CPNE8: variants seen among roughly 807,000 people sequenced by gnomAD.
CPNE8 encodes the protein copine-8.
Under a neutral mutation model 81.5 loss-of-function variants are expected in CPNE8, and 45 were observed. That is an observed-to-expected ratio of 0.55 (90% confidence interval 0.44 to 0.71). The LOEUF (loss-of-function observed/expected upper bound fraction) is 0.71. CPNE8 is among the 30% of genes least tolerant of loss of function. The pLI is 0.00. For synonymous variants in CPNE8, 252 were observed against 226.3 expected (o/e 1.11, Z -1.02); for missense variants, 594 against 672.1 (o/e 0.88, Z 1.28).
At position 38,806,306 on chromosome 12, in the gene CPNE8, T is replaced by G. The variant is rs368580641; in HGVS notation, c.407+23073A>C. ...CCAGGCAGAGACACACCAAAAAAGA[T>G]AATTTTAGACCAATATCCTTGATGA... On this transcript the variant is annotated intron_variant, in intron 6 of 19. Coordinates refer to ENST00000331366, the MANE Select transcript of CPNE8 (RefSeq NM_153634.3). Among the ~76,000 whole-genome samples the G allele has an allele frequency of 1.2e-3, 183 of 149,950 alleles. 4 individuals are homozygous for G. The highest frequency in any genetic ancestry group is 3.6e-3 in the African/African-American group (150 of 41,348).
chr12:38,812,747 T>C (rs1291172533), intron 6 of CPNE8, among the ~76,000 whole-genome samples: 1 of 152,196 alleles, frequency 6.6e-6, no homozygotes, highest in Admixed American at 6.5e-5. Flanking sequence ...TTTATGGAAG[T>C]GGCTTCTCAC....
chr12:38,653,580 T>C lies in CPNE8; in HGVS notation c.*302A>G, dbSNP rs951357508. 4.2e-6 allele frequency: 1 copy of C among 238,458 alleles called. No homozygotes were observed. The highest frequency in any genetic ancestry group is 2.3e-5 in the African/African-American group (1 of 43,024). The allele number at this position is 238,458 out of a possible 1,614,324, so 14.8% of individuals were successfully genotyped here. ...TTGAGTTAAAAACACAGTTTGTGCT[T>C]TTTCCCAACAATACATTGGAAATTA... On this transcript the variant is annotated 3_prime_UTR_variant, in exon 20 of 20. Transcript: ENST00000331366.
intron 6 of CPNE8, among the ~76,000 whole-genome samples, chr12:38,783,294 C>A (rs1391492692): frequency 6.6e-6 from 1 of 152,152 alleles, no homozygotes; most frequent in Admixed American, 6.5e-5. Context: ...ACACACAAAG[C>A]ATCTTCATAA....
intron 16 of CPNE8, among the ~76,000 whole-genome samples, chr12:38,683,651 A>C (rs550407536): frequency 6.6e-6 from 1 of 152,270 alleles, no homozygotes; most frequent in Admixed American, 6.5e-5. Flanking sequence ...TGAAAGGATA[A>C]AAGCATTTCT....
At chr12:38,847,288 C>T (rs912726019) in intron 4 of CPNE8, among the ~76,000 whole-genome samples, 2 of 152,048 alleles carry the variant, frequency 1.3e-5, no homozygotes, top group Non-Finnish European at 2.9e-5. Flanking sequence ...CTGGTTTTAA[C>T]ATAAAGTTAA....
chr12:38,769,381 A>G (rs1451331753), intron 7 of CPNE8, among the ~76,000 whole-genome samples: 2 of 152,202 alleles, frequency 1.3e-5, no homozygotes, highest in Admixed American at 1.3e-4. Context: ...TGTTCTTTTT[A>G]AATTAGAGGT....
At chr12:38,746,848 G>T (rs1941236476) in intron 10 of CPNE8, among the ~76,000 whole-genome samples, 1 of 152,296 alleles carries the variant, frequency 6.6e-6, no homozygotes. Flanking sequence ...ATAAAAAAGA[G>T]ATTGAATTTG....
rs1938741931 is a variant in CPNE8, at chr12:38,653,309, C to A, written c.*573G>T. ...GCAGATGTAGTTTCTTAAGACAATCCAGTTACTGAAAAATAGAAAAGCATT... is the reference window on the plus strand; with the variant it reads ...GCAGATGTAGTTTCTTAAGACAATCAAGTTACTGAAAAATAGAAAAGCATT... On this transcript the variant is annotated 3_prime_UTR_variant, in exon 20 of 20. Coordinates refer to ENST00000331366, the MANE Select transcript of CPNE8 (RefSeq NM_153634.3). 1 of 152,528 alleles carries A rather than the reference C, an allele frequency of 6.6e-6. No individual in the cohort carries two copies. Among genetic ancestry groups the A allele is most frequent in the Admixed American group, 6.6e-5 (1 of 15,266 alleles). 9.4% of individuals were successfully genotyped at this position (152,528 alleles called of 1,614,324 possible).
At chr12:38,866,770 A>G (rs1943920307) in intron 3 of CPNE8, among the ~76,000 whole-genome samples, 1 of 152,182 alleles carries the variant, frequency 6.6e-6, no homozygotes, top group Non-Finnish European at 1.5e-5. Flanking sequence ...TCCACCACAT[A>G]AATTCTGAAA....
chr12:38,706,303 A>G (rs1940104302), intron 13 of CPNE8, among the ~76,000 whole-genome samples: 1 of 152,166 alleles, frequency 6.6e-6, no homozygotes, highest in Admixed American at 6.5e-5. Flanking sequence ...CTGAAAATCA[A>G]TAACAAACCC....
At chr12:38,825,119 T>C (rs962029266) in intron 6 of CPNE8, among the ~76,000 whole-genome samples, 1 of 152,342 alleles carries the variant, frequency 6.6e-6, no homozygotes, top group Admixed American at 6.5e-5. Flanking sequence ...ATTTCTCGGC[T>C]ATTTCGGTCA....
intron 8 of CPNE8, among the ~76,000 whole-genome samples, chr12:38,765,454 G>A (rs1021187437): frequency 1.3e-5 from 2 of 152,086 alleles, no homozygotes; most frequent in African/African-American, 4.8e-5. Context: ...AAGATCATAA[G>A]TATGAAGGCT....
At chr12:38,903,065 T>G (rs186839932) in intron 1 of CPNE8, among the ~76,000 whole-genome samples, 57 of 152,298 alleles carry the variant, frequency 3.7e-4, no homozygotes, top group Non-Finnish European at 6.2e-4. Context: ...GGTTACAAGA[T>G]CCAACAATAC....
intron 3 of CPNE8, among the ~76,000 whole-genome samples, chr12:38,851,265 C>A (rs1943642150): frequency 1.3e-5 from 2 of 152,216 alleles, no homozygotes; most frequent in African/African-American, 4.8e-5. Flanking sequence ...CTGAGACTCA[C>A]TTCTGGGTAT....
intron 1 of CPNE8, among the ~76,000 whole-genome samples, chr12:38,881,083 G>A (rs1447810710): frequency 2.0e-5 from 3 of 151,816 alleles, no homozygotes; most frequent in Admixed American, 1.3e-4. Context: ...GGTGGCGGGC[G>A]CCTTCATTCC....
intron 10 of CPNE8, among the ~76,000 whole-genome samples, chr12:38,749,778 G>T (rs1393593236): frequency 1.3e-5 from 2 of 152,118 alleles, no homozygotes; most frequent in Non-Finnish European, 2.9e-5. Context: ...AAGGCATTCA[G>T]TTTCATAAGG....
chr12:38,736,071 G>GC, intron 10 of CPNE8, among the ~76,000 whole-genome samples: 1 of 151,794 alleles, frequency 6.6e-6, no homozygotes, highest in South Asian at 2.1e-4. Flanking sequence ...CATAAATTAA[G>GC]AGTTCAGCAG....
chr12:38,675,485 C>T (rs1939267447), intron 18 of CPNE8, among the ~76,000 whole-genome samples: 1 of 152,110 alleles, frequency 6.6e-6, no homozygotes. Flanking sequence ...AATCTATAAA[C>T]TAGAGAGATA....
chr12:38,860,385 C>CAAA (rs36025286), intron 3 of CPNE8, among the ~76,000 whole-genome samples: 1,181 of 110,728 alleles, frequency 0.011, 29 homozygotes, highest in Non-Finnish European at 0.013. Flanking sequence ...TGGCTATTAT[C>CAAA]AAAAAAAAAA....
Sources: allele counts gnomAD v4.1 joint callset (sites outside exome capture counted in the v4.1 genomes callset), GRCh38; gene constraint gnomAD v4.1.1; transcripts MANE v1.5; gene names NCBI Gene and HGNC (gene_info 2026-07-23, HGNC 2026-07-21).